The following TCF20 variants were observed in gnomAD, a reference collection of about 807,000 sequenced individuals.
TCF20 encodes transcription factor 20, also known as SPRE-binding protein.
Under a neutral mutation model 148.6 loss-of-function variants are expected in TCF20, and 3 were observed. The ratio of observed to expected loss-of-function variants is 0.02; its 90% CI spans 0.01 to 0.05. The LOEUF is 0.05. Ranked by LOEUF, TCF20 falls within the 10% of genes least tolerant of loss-of-function variation. The pLI is 1.00. For missense variants in TCF20, 2,350 were observed against 2,429.3 expected, an observed-to-expected ratio of 0.97 and a Z score of 0.69; for synonymous variants, 1,049 against 909.5, an observed-to-expected ratio of 1.15 and a Z score of -2.76.
chr22:42,249,814 T>C (rs1033462970), intron 1 of TCF20, among the ~76,000 whole-genome samples: 6 of 152,248 alleles, frequency 3.9e-5, no homozygotes, highest in African/African-American at 1.4e-4. Context: ...TATTTTATCT[T>C]CACATCATTT....
At chr22:42,270,731 G>C (rs1435302562), upstream of TCF20, among the ~76,000 whole-genome samples, 1 of 143,292 alleles carries the variant, frequency 7.0e-6, no homozygotes, top group African/African-American at 2.5e-5. Context: ...GGCGCGCGGC[G>C]GGGCGGGGCG....
chr22:42,306,622 G>A (rs556370610), intron 1 of TCF20, among the ~76,000 whole-genome samples: 6 of 152,336 alleles, frequency 3.9e-5, no homozygotes, highest in East Asian at 3.9e-4. Flanking sequence ...ATGGGGCTTC[G>A]TCTGAGCCTG....
exon 1 of TCF20, among the ~76,000 whole-genome samples, chr22:42,283,912 G>A (rs1317551475): frequency 2.0e-5 from 3 of 152,364 alleles, no homozygotes; most frequent in Non-Finnish European, 2.9e-5. Context: ...CTCCTGAGCC[G>A]AGGCGGGGGA....
intron 1 of TCF20, among the ~76,000 whole-genome samples, chr22:42,310,142 G>A (rs921085917): frequency 1.3e-5 from 2 of 152,238 alleles, no homozygotes; most frequent in African/African-American, 4.8e-5. Flanking sequence ...GCAAACTCTA[G>A]GCAGAGGGAA....
intron 1 of TCF20, among the ~76,000 whole-genome samples, chr22:42,314,312 G>A (rs1927590680): frequency 6.6e-6 from 1 of 152,268 alleles, no homozygotes; most frequent in African/African-American, 2.4e-5. Flanking sequence ...CAGGACACCT[G>A]GGGGCTTGAC....
At chr22:42,207,860 A>C (rs1938495324) in intron 2 of TCF20, among the ~76,000 whole-genome samples, 1 of 152,064 alleles carries the variant, frequency 6.6e-6, no homozygotes, top group South Asian at 2.1e-4. Flanking sequence ...CTCTAACAAG[A>C]AAGAGAAAAT....
At chr22:42,284,684 C>A (rs1414618030), upstream of TCF20, among the ~76,000 whole-genome samples, 1 of 152,206 alleles carries the variant, frequency 6.6e-6, no homozygotes, top group African/African-American at 2.4e-5. Context: ...CCTTTTGTCC[C>A]AAGTCCCATC....
At chr22:42,172,924 T>C (rs1200224555) in intron 3 of TCF20, among the ~76,000 whole-genome samples, 1 of 152,158 alleles carries the variant, frequency 6.6e-6, no homozygotes, top group South Asian at 2.1e-4. Flanking sequence ...TATGGGGCTC[T>C]TGGCACTGGG....
chr22:42,300,038 G>GCAGC (rs1927307302), intron 1 of TCF20, among the ~76,000 whole-genome samples: 1 of 152,132 alleles, frequency 6.6e-6, no homozygotes, highest in Non-Finnish European at 1.5e-5. Flanking sequence ...GCAGTCACGT[G>GCAGC]CAGCCTGGTT....
intron 2 of TCF20, among the ~76,000 whole-genome samples, chr22:42,184,879 T>A (rs574678045): frequency 6.6e-6 from 1 of 152,360 alleles, no homozygotes; most frequent in Non-Finnish European, 1.5e-5. Flanking sequence ...TTTTGGGACA[T>A]GTTTTAACGG....
chr22:42,175,487 C>T (rs762323629), intron 3 of TCF20, among the ~76,000 whole-genome samples: 7 of 152,120 alleles, frequency 4.6e-5, no homozygotes, highest in South Asian at 2.1e-4. Context: ...ACTACAGGCA[C>T]GCGCCACCAC....
At chr22:42,190,851 C>A (rs1937296040) in intron 2 of TCF20, among the ~76,000 whole-genome samples, 1 of 152,060 alleles carries the variant, frequency 6.6e-6, no homozygotes. Flanking sequence ...TACCAAGGTG[C>A]CCACAAAAAA....
Position 42,338,170 on chromosome 22 carries a change from C to A in TCF20, c.-37+5309G>T, listed in dbSNP as rs117604330. Among the ~76,000 whole-genome samples the A allele has an allele frequency of 6.6e-6, 1 of 152,250 alleles. No individual in the cohort carries two copies. Among genetic ancestry groups the A allele is most frequent in the East Asian group, 1.9e-4 (1 of 5,196 alleles). ...CCACGCGTCCCCTGAGATCCCCCAC[C>A]GCCCTGGATGTTCACGGTTCTGCAG... On this transcript the variant is annotated intron_variant, in intron 1 of 1. Transcript: ENST00000515426. This position sits in a 1 kb window ranked among gnomAD's most constrained non-coding sequence, Gnocchi z 4.0.
intron 2 of TCF20, among the ~76,000 whole-genome samples, chr22:42,201,467 A>G (rs1332988098): frequency 1.3e-5 from 2 of 152,156 alleles, no homozygotes; most frequent in African/African-American, 2.4e-5. Context: ...TAAAAAGTTT[A>G]CTTAAAAAAA....
At position 42,213,766 on chromosome 22, in the gene TCF20, G is replaced by A. The variant is rs1921325511; in HGVS notation, c.1540C>T (p.Pro514Ser). The A allele has an allele frequency of 2.5e-6, 4 of 1,614,104 alleles. No individual in the cohort carries two copies. The highest frequency in any genetic ancestry group is 3.4e-6 in the Non-Finnish European group (4 of 1,180,028). ...SSQPEEQLKS[P>S]MAESLDGGCS... is the part of the protein sequence containing the mutation. The stretch of plus-strand genomic sequence containing the variant: ...CCTCCATCTAATGACTCTGCCATAG[G>A]GGACTTCAGCTGTTCTTCAGGTTGT... The change falls in exon 2 of 6, where the codon CCT (proline) becomes TCT (serine). Residue 514 changes from proline to serine, a missense_variant. By Grantham distance (74) the Pro-to-Ser change is moderately conservative (BLOSUM62 -1). Transcript: ENST00000677622.
At position 42,242,227 on chromosome 22, in the gene TCF20, A is replaced by AAAAAAAAAAAAAAAAAAT. The variant is rs1491280192; in HGVS notation, c.-36-26887_-36-26886insATTTTTTTTTTTTTTTTT. 1.0e-3 allele frequency among the ~76,000 whole-genome samples: 127 copies of AAAAAAAAAAAAAAAAAAT among 122,746 alleles called. 10 individuals are homozygous for AAAAAAAAAAAAAAAAAAT. Among genetic ancestry groups the AAAAAAAAAAAAAAAAAAT allele is most frequent in the Non-Finnish European group, 1.2e-3 (71 of 57,894 alleles). 80.5% of individuals were successfully genotyped at this position (122,746 alleles called of 152,430 possible). Reference sequence around the variant, plus strand: ...CAAAAAAAAAAAAAAAAAAAAAAAAACAGAAAAGAAAGGGTGACTACAAGG... The same window carrying AAAAAAAAAAAAAAAAAAT: ...CAAAAAAAAAAAAAAAAAAAAAAAAAAAAAAAAAAAAAAAAAATCAGAAAAGAAAGGGTGACTACAAGG... On this transcript the variant is annotated intron_variant, in intron 1 of 5. Coordinates refer to ENST00000677622, the MANE Select transcript of TCF20 (RefSeq NM_001378418.1).
chr22:42,168,529 T>G, intron 5 of TCF20, 80 bp downstream of exon 5: 1 of 1,516,922 alleles, frequency 6.6e-7, no homozygotes, highest in South Asian at 1.2e-5. Context: ...TGGCAGAGCA[T>G]AGAGCGAGCA....
intron 1 of TCF20, among the ~76,000 whole-genome samples, chr22:42,266,662 C>T (rs923738402): frequency 1.3e-5 from 2 of 152,150 alleles, no homozygotes; most frequent in African/African-American, 4.8e-5. Context: ...GCCCGTAATC[C>T]CAGCTATTCG....
chr22:42,283,409 C>A (rs1006294986), intron 1 of TCF20, among the ~76,000 whole-genome samples: 23 of 152,136 alleles, frequency 1.5e-4, no homozygotes, highest in African/African-American at 5.5e-4. Context: ...GCGGCTGGAT[C>A]TGGACCGGAG....
Sources: gnomAD v4.1 joint callset for allele counts (sites outside exome capture counted in the v4.1 genomes callset) on GRCh38, gnomAD v4.1.1 for gene constraint, Gnocchi (gnomAD v3.1) non-coding constraint, MANE v1.5 for transcripts, NCBI Gene and HGNC (gene_info 2026-07-23, HGNC 2026-07-21) for gene names.